Variants in DPP10 observed in about 807,000 individuals in gnomAD.
DPP10 encodes the protein inactive dipeptidyl peptidase 10.
In DPP10, 33 loss-of-function variants were observed where a neutral mutation model predicts 120.9. That is an observed-to-expected ratio of 0.27 (90% confidence interval 0.21 to 0.37). DPP10 has a LOEUF of 0.37. Among genes scored for constraint, DPP10 ranks in the 10% least tolerant of loss-of-function variants. The pLI, the probability that DPP10 is intolerant of heterozygous loss-of-function variation, is 1.00. For missense variants in DPP10, 816 were observed against 942.8 expected (o/e 0.87, Z 1.76); for synonymous variants, 337 against 326.1 (o/e 1.03, Z -0.36).
chr2:114,792,367 C>T (rs1347274730), intron 1 of DPP10, among the ~76,000 whole-genome samples: 1 of 152,124 alleles, frequency 6.6e-6, no homozygotes, highest in East Asian at 1.9e-4. Flanking sequence ...AAGATACACA[C>T]AATCGAATTA....
intron 1 of DPP10, among the ~76,000 whole-genome samples, chr2:115,211,294 T>C (rs537742404): frequency 2.6e-5 from 4 of 151,806 alleles, no homozygotes; most frequent in Admixed American, 2.6e-4. Flanking sequence ...TGATAAGTTA[T>C]CATTTCTCAT....
At chr2:115,174,365 A>T (rs1171601094) in intron 1 of DPP10, among the ~76,000 whole-genome samples, 1 of 152,204 alleles carries the variant, frequency 6.6e-6, no homozygotes, top group Non-Finnish European at 1.5e-5. Flanking sequence ...TCAAGATGGT[A>T]AAGTTGGTTC....
At chr2:115,262,360 A>G (rs1163783591) in intron 1 of DPP10, among the ~76,000 whole-genome samples, 5 of 151,944 alleles carry the variant, frequency 3.3e-5, no homozygotes, top group Non-Finnish European at 7.4e-5. Context: ...TTATTTTAAT[A>G]TGTTTACTAT....
chr2:115,148,203 G>A (rs1210980116), intron 1 of DPP10, among the ~76,000 whole-genome samples: 1 of 152,246 alleles, frequency 6.6e-6, no homozygotes, highest in African/African-American at 2.4e-5. Context: ...CAATCAATAA[G>A]AAAGAGTGGG....
chr2:115,157,923 G>C (rs2052032966), intron 1 of DPP10, among the ~76,000 whole-genome samples: 1 of 152,156 alleles, frequency 6.6e-6, no homozygotes, highest in Admixed American at 6.5e-5. Context: ...CCTCAGGAAG[G>C]GGAGCAAAGA....
intron 1 of DPP10, among the ~76,000 whole-genome samples, chr2:115,293,612 T>C (rs6726183): frequency 0.68 from 103,417 of 151,980 alleles, 35,490 homozygotes; most frequent in Admixed American, 0.75. Flanking sequence ...AAAGAAATTA[T>C]GTTAACTGTT....
intron 1 of DPP10, among the ~76,000 whole-genome samples, chr2:114,489,403 G>A (rs1019970783): frequency 6.6e-6 from 1 of 152,160 alleles, no homozygotes; most frequent in African/African-American, 2.4e-5. Context: ...AGAAACAGCT[G>A]CATTTGCTGT....
intron 1 of DPP10, among the ~76,000 whole-genome samples, chr2:115,307,787 G>A (rs1211021110): frequency 6.6e-6 from 1 of 152,054 alleles, no homozygotes; most frequent in East Asian, 1.9e-4. Context: ...ATGGTCACAA[G>A]GCAACTATTG....
rs571598641 is a variant in DPP10 at position 114,523,184 on chromosome 2, C to T, written c.60+80346C>T. Among the ~76,000 whole-genome samples, 13 of 152,240 alleles carry T rather than the reference C, an allele frequency of 8.5e-5. No individual in the cohort carries two copies. The South Asian group carries it at 1.2e-3, about 15-fold the overall frequency. The stretch of plus-strand genomic sequence containing the variant: ...GCTTGAGTCCAGCTTCAGTCTGATC[C>T]CATAGAGAGTTCTGGAGCATAAATT... On this transcript the variant is annotated intron_variant, in intron 1 of 25. Coordinates refer to ENST00000410059, the MANE Select transcript of DPP10 (RefSeq NM_020868.6).
intron 3 of DPP10, among the ~76,000 whole-genome samples, chr2:115,414,055 G>A (rs531958244): frequency 1.3e-5 from 2 of 152,188 alleles, no homozygotes; most frequent in South Asian, 4.2e-4. Flanking sequence ...AGAGCCTTTA[G>A]CTTCTCCCGT....
chr2:115,576,760 T>G (rs1009129640), intron 5 of DPP10, among the ~76,000 whole-genome samples: 1 of 152,062 alleles, frequency 6.6e-6, no homozygotes, highest in Non-Finnish European at 1.5e-5. Flanking sequence ...AAAATTGAAG[T>G]CCATCCTCCA....
At chr2:115,803,535 T>G (rs1685528826) in intron 19 of DPP10, among the ~76,000 whole-genome samples, 1 of 152,242 alleles carries the variant, frequency 6.6e-6, no homozygotes, top group Non-Finnish European at 1.5e-5. Context: ...CTTCATGGTC[T>G]TTACAATTTG....
chr2:115,456,719 C>G lies in DPP10; in HGVS notation c.272-42791C>G, dbSNP rs967916194. On this transcript the variant is annotated intron_variant, in intron 3 of 25. Transcript: ENST00000410059. ...GCAAACTAACACAAGAACAGAAAAC[C>G]AAACACCACATGCTCTCACTCATAA... 3.3e-5 allele frequency among the ~76,000 whole-genome samples: 5 copies of G among 152,082 alleles called. No individual in the cohort carries two copies. In the South Asian group the frequency reaches 6.2e-4, roughly 19 times the overall value.
At chr2:115,784,596 T>A (rs1683127168) in intron 17 of DPP10, among the ~76,000 whole-genome samples, 1 of 152,152 alleles carries the variant, frequency 6.6e-6, no homozygotes, top group Admixed American at 6.5e-5. Context: ...TGCAATGGTG[T>A]GATCTCAGCT....
At position 114,801,204 on chromosome 2, in the gene DPP10, G is replaced by A. The variant is rs372492107; in HGVS notation, c.60+358366G>A. Among the ~76,000 whole-genome samples the A allele has an allele frequency of 5.4e-4, 81 of 150,284 alleles. No individual in the cohort carries two copies. The East Asian group carries it at 0.012, about 21-fold the overall frequency. On this transcript the variant is annotated intron_variant, in intron 1 of 25. Coordinates refer to ENST00000410059, the MANE Select transcript of DPP10 (RefSeq NM_020868.6). ...CGTGAACCCAGGAGGCAGAGATTGC[G>A]GTGAGCCGAGATTGTGCCACTGCAC...
chr2:115,751,672 T>C (rs1321537998), intron 10 of DPP10, among the ~76,000 whole-genome samples: 1 of 152,170 alleles, frequency 6.6e-6, no homozygotes, highest in East Asian at 1.9e-4. Context: ...ATATGTAACA[T>C]TCATGTAGTT....
chr2:115,045,865 A>C (rs969456512), intron 1 of DPP10, among the ~76,000 whole-genome samples: 1 of 152,164 alleles, frequency 6.6e-6, no homozygotes, highest in Non-Finnish European at 1.5e-5. Context: ...GTTGCTCTGC[A>C]GAGGCAGTAA....
At chr2:114,716,352 C>T (rs1442437080) in intron 1 of DPP10, among the ~76,000 whole-genome samples, 2 of 152,140 alleles carry the variant, frequency 1.3e-5, no homozygotes, top group South Asian at 2.1e-4. Context: ...CATGTGAAGA[C>T]GTGAACTAAA....
intron 2 of DPP10, among the ~76,000 whole-genome samples, chr2:115,309,896 C>T (rs182020200): frequency 1.3e-5 from 2 of 152,056 alleles, no homozygotes; most frequent in Admixed American, 6.6e-5. Flanking sequence ...TTGCAAATTG[C>T]CCCTGCAATG....
Sources: allele counts gnomAD v4.1 joint callset (sites outside exome capture counted in the v4.1 genomes callset), GRCh38; gene constraint gnomAD v4.1.1; transcripts MANE v1.5; gene names NCBI Gene and HGNC (gene_info 2026-07-23, HGNC 2026-07-21).